CLASP1: variants seen among roughly 807,000 people sequenced by gnomAD.
CLASP1 encodes CLIP-associating protein 1.
Under a neutral mutation model 192.3 loss-of-function variants are expected in CLASP1, and 38 were observed. That is an observed-to-expected ratio of 0.20 (90% CI 0.15 to 0.26). The LOEUF (loss-of-function observed/expected upper bound fraction) is 0.26. CLASP1 is among the 10% of genes least tolerant of loss of function. The pLI is 1.00. For synonymous variants in CLASP1, 691 were observed against 712.8 expected (o/e 0.97, Z 0.49); for missense variants, 1,433 against 1,932.5 (o/e 0.74, Z 4.85).
At chr2:121,406,810 C>T (rs1314501576) in intron 25 of CLASP1, among the ~76,000 whole-genome samples, 4 of 152,032 alleles carry the variant, frequency 2.6e-5, no homozygotes, top group South Asian at 4.2e-4. Context: ...AGGCTGGTCT[C>T]GAACTCCTGG....
At chr2:121,407,149 G>A (rs908460625) in intron 25 of CLASP1, among the ~76,000 whole-genome samples, 7 of 151,814 alleles carry the variant, frequency 4.6e-5, no homozygotes, top group Non-Finnish European at 8.8e-5. Flanking sequence ...CCAGGAGGTG[G>A]AGGCTGCAGT....
intron 8 of CLASP1, among the ~76,000 whole-genome samples, chr2:121,480,802 C>A (rs1377578307): frequency 6.6e-6 from 1 of 152,204 alleles, no homozygotes; most frequent in African/African-American, 2.4e-5. Context: ...CTCTCCCAAC[C>A]CATTACGGTA....
At chr2:121,342,125 AT>A (rs113122537) in intron 39 of CLASP1, among the ~76,000 whole-genome samples, 315 of 146,314 alleles carry the variant, frequency 2.2e-3, no homozygotes, top group African/African-American at 3.1e-3. Context: ...TAAAAAAAGA[AT>A]TTTTTTTTTT....
At chr2:121,342,546 C>T (rs1466654647) in intron 39 of CLASP1, among the ~76,000 whole-genome samples, 1 of 152,064 alleles carries the variant, frequency 6.6e-6, no homozygotes, top group Non-Finnish European at 1.5e-5. Flanking sequence ...TAATCAACAA[C>T]CTAAACTTTT....
At chr2:121,646,882 G>A (rs903513550) in intron 1 of CLASP1, among the ~76,000 whole-genome samples, 5 of 150,764 alleles carry the variant, frequency 3.3e-5, no homozygotes, top group Admixed American at 1.3e-4. Context: ...CTAAGAAAAC[G>A]CAAAAAAATT....
At chr2:121,451,152 C>A (rs780934983) in intron 15 of CLASP1, among the ~76,000 whole-genome samples, 162 bp from the exon 16 acceptor site, 2 of 152,242 alleles carry the variant, frequency 1.3e-5, no homozygotes, top group African/African-American at 4.8e-5. Flanking sequence ...GGCACTCCTA[C>A]CTACAGTCCT....
chr2:121,460,908 G>A (rs1337239677), intron 11 of CLASP1, among the ~76,000 whole-genome samples, 193 bp downstream of exon 11: 1 of 152,146 alleles, frequency 6.6e-6, no homozygotes, highest in Non-Finnish European at 1.5e-5. Flanking sequence ...TCATAAAGGT[G>A]TAAGTTGGTG....
At chr2:121,557,340 C>T (rs571325662) in intron 2 of CLASP1, among the ~76,000 whole-genome samples, 2 of 152,296 alleles carry the variant, frequency 1.3e-5, no homozygotes, top group Non-Finnish European at 1.5e-5. Flanking sequence ...AATCACAGCA[C>T]TTTGAGAGGC....
chr2:121,481,850 G>T (rs1208014683), intron 8 of CLASP1, among the ~76,000 whole-genome samples: 1 of 152,142 alleles, frequency 6.6e-6, no homozygotes, highest in African/African-American at 2.4e-5. Context: ...GTACTTTGTT[G>T]GGAGCTGGGA....
At chr2:121,619,012 A>G (rs1383513724) in intron 1 of CLASP1, among the ~76,000 whole-genome samples, 1 of 152,228 alleles carries the variant, frequency 6.6e-6, no homozygotes, top group Non-Finnish European at 1.5e-5. Flanking sequence ...GAATTACTCA[A>G]GTATACTCAA....
intron 32 of CLASP1, among the ~76,000 whole-genome samples, chr2:121,384,157 CATATATATATAT>C (rs767348636): frequency 1.5e-5 from 2 of 129,182 alleles, no homozygotes; most frequent in Admixed American, 7.6e-5. Flanking sequence ...CACACACACA[CATATATATATAT>C]ACACACACAC....
At chr2:121,404,591 C>G (rs1020551953) in intron 25 of CLASP1, among the ~76,000 whole-genome samples, 157 bp from the exon 27 acceptor site, 1 of 152,166 alleles carries the variant, frequency 6.6e-6, no homozygotes, top group African/African-American at 2.4e-5. Flanking sequence ...CTCAGCCTCC[C>G]GAGTAGCTGG....
At chr2:121,527,357 T>C (rs2094598578) in intron 5 of CLASP1, among the ~76,000 whole-genome samples, 1 of 151,948 alleles carries the variant, frequency 6.6e-6, no homozygotes, top group South Asian at 2.1e-4. Context: ...TTATGCTGAG[T>C]GAAAAAAAGA....
At chr2:121,385,035 T>C (rs1171994555) in intron 32 of CLASP1, among the ~76,000 whole-genome samples, 3 of 152,024 alleles carry the variant, frequency 2.0e-5, no homozygotes, top group Non-Finnish European at 2.9e-5. Flanking sequence ...TCAGAAAAAA[T>C]AGCTGAGATT....
intron 25 of CLASP1, among the ~76,000 whole-genome samples, chr2:121,405,729 T>C (rs1308116980): frequency 6.6e-6 from 1 of 152,216 alleles, no homozygotes; most frequent in Non-Finnish European, 1.5e-5. Flanking sequence ...CCACCAGGAT[T>C]AAACAGATTC....
exon 36 of CLASP1, chr2:121,365,168 C>G (rs1558886934): frequency 6.2e-7 from 1 of 1,613,942 alleles, no homozygotes; most frequent in Non-Finnish European, 8.5e-7. Context: ...CCAAGGCTGT[C>G]TTCCCGCGTG....
intron 30 of CLASP1, 102 bp from the exon 32 acceptor site, chr2:121,388,008 A>G: frequency 1.1e-6 from 1 of 892,000 alleles, no homozygotes; most frequent in East Asian, 2.7e-5. Context: ...AATCACTAAT[A>G]AGAGGGCATT....
intron 9 of CLASP1, 83 bp downstream of exon 9, chr2:121,469,725 G>C: frequency 7.2e-7 from 1 of 1,382,940 alleles, no homozygotes; most frequent in South Asian, 1.6e-5. Flanking sequence ...ACTTCTGAGG[G>C]CCACCACAGG....
At chr2:121,543,176 T>C (rs967326975) in intron 2 of CLASP1, among the ~76,000 whole-genome samples, 3 of 152,096 alleles carry the variant, frequency 2.0e-5, no homozygotes, top group Non-Finnish European at 2.9e-5. Context: ...CTCGGACACA[T>C]AGGTAAAAAT....
Sources: allele counts gnomAD v4.1 joint callset (sites outside exome capture counted in the v4.1 genomes callset), GRCh38; gene constraint gnomAD v4.1.1; transcripts MANE v1.5; gene names NCBI Gene and HGNC (gene_info 2026-07-23, HGNC 2026-07-21).